The following NEGR1 variants were observed in gnomAD, a reference collection of about 807,000 sequenced individuals.
NEGR1 encodes neuronal growth regulator 1, also known as IgLON family member 4.
Under a neutral mutation model 40.9 loss-of-function variants are expected in NEGR1, and 10 were observed. That is an observed-to-expected ratio of 0.24 (90% confidence interval 0.15 to 0.42). The LOEUF is 0.42. Among genes scored for constraint, NEGR1 ranks in the 10% least tolerant of loss-of-function variants. NEGR1 has a pLI of 1.00. For synonymous variants in NEGR1, 185 were observed against 166.8 expected (o/e 1.11, Z -0.84); for missense variants, 352 against 438.9 (o/e 0.80, Z 1.77).
chr1:71,921,972 T>G (rs1645724748), intron 2 of NEGR1, among the ~76,000 whole-genome samples: 1 of 151,810 alleles, frequency 6.6e-6, no homozygotes, highest in Non-Finnish European at 1.5e-5. Flanking sequence ...TACAGAGAAG[T>G]TTTTACATAC....
At chr1:72,208,234 C>A (rs72941254) in intron 1 of NEGR1, among the ~76,000 whole-genome samples, 1,984 of 151,764 alleles carry the variant, frequency 0.013, 33 homozygotes, top group African/African-American at 0.044. Flanking sequence ...ATGTGGAAAA[C>A]TATGAAACAG....
chr1:71,636,332 C>A (rs1343358246), intron 4 of NEGR1, among the ~76,000 whole-genome samples: 2 of 152,032 alleles, frequency 1.3e-5, no homozygotes, highest in East Asian at 1.9e-4. Context: ...GTATTTCGTA[C>A]CTTCCTCATC....
chr1:71,602,774 T>G (rs1406084848), intron 5 of NEGR1, among the ~76,000 whole-genome samples: 2 of 152,232 alleles, frequency 1.3e-5, no homozygotes, highest in East Asian at 3.9e-4. Flanking sequence ...TCCTACACTC[T>G]AAGTCACAGG....
chr1:71,711,938 A>T (rs576022234), intron 3 of NEGR1, among the ~76,000 whole-genome samples: 1 of 152,232 alleles, frequency 6.6e-6, no homozygotes, highest in Admixed American at 6.5e-5. Context: ...TATATATTGT[A>T]TGATTTAATT....
At chr1:72,219,588 A>C (rs542392914) in intron 1 of NEGR1, among the ~76,000 whole-genome samples, 1 of 152,194 alleles carries the variant, frequency 6.6e-6, no homozygotes, top group African/African-American at 2.4e-5. Flanking sequence ...AATTTTAGAA[A>C]GTTGTCTGTC....
chr1:71,434,954 A>G (rs1229779106), intron 6 of NEGR1, among the ~76,000 whole-genome samples: 6 of 151,996 alleles, frequency 3.9e-5, no homozygotes, highest in South Asian at 2.1e-4. Context: ...AGCCCGGCAT[A>G]GTGGCGGGCG....
intron 1 of NEGR1, among the ~76,000 whole-genome samples, chr1:72,273,552 G>A (rs934181994): frequency 2.0e-5 from 3 of 151,812 alleles, no homozygotes; most frequent in Admixed American, 6.6e-5. Flanking sequence ...TGCTTAAACC[G>A]ACAGTAAGAA....
At chr1:71,486,849 A>G (rs1171460622) in intron 6 of NEGR1, 2 of 151,496 alleles carry the variant, frequency 1.3e-5, no homozygotes, top group Non-Finnish European at 1.5e-5. Flanking sequence ...TAACAAGGCT[A>G]TTTTTCTTAT....
intron 1 of NEGR1, among the ~76,000 whole-genome samples, chr1:71,944,099 T>A (rs773131213): frequency 6.6e-6 from 1 of 152,200 alleles, no homozygotes; most frequent in Non-Finnish European, 1.5e-5. Context: ...ATGGACTTGA[T>A]TGAATGTGAG....
At chr1:71,690,565 A>T (rs1399761240) in intron 4 of NEGR1, among the ~76,000 whole-genome samples, 1 of 119,182 alleles carries the variant, frequency 8.4e-6, no homozygotes, top group African/African-American at 3.3e-5. Flanking sequence ...TAAGTTATAT[A>T]ACACACACAC....
chr1:71,612,216 C>T (rs1007678681), intron 4 of NEGR1, among the ~76,000 whole-genome samples: 6 of 152,120 alleles, frequency 3.9e-5, no homozygotes, highest in African/African-American at 9.7e-5. Context: ...AGCAAGACTC[C>T]GTCTCAAAAC....
At chr1:72,141,336 A>G (rs1296068335) in intron 1 of NEGR1, among the ~76,000 whole-genome samples, 3 of 152,080 alleles carry the variant, frequency 2.0e-5, no homozygotes, top group Non-Finnish European at 2.9e-5. Flanking sequence ...TACAAATGCT[A>G]TATTTTGTCC....
intron 1 of NEGR1, among the ~76,000 whole-genome samples, chr1:71,954,394 T>C (rs1439514305): frequency 6.6e-6 from 1 of 151,888 alleles, no homozygotes; most frequent in East Asian, 1.9e-4. Context: ...TAAGGTATAT[T>C]ATTAAAAAAA....
chr1:71,881,083 A>C (rs550920107), intron 2 of NEGR1, among the ~76,000 whole-genome samples: 3 of 152,076 alleles, frequency 2.0e-5, no homozygotes, highest in African/African-American at 7.2e-5. Context: ...TTTTACCTAC[A>C]CAGGATTCTC....
chr1:71,931,640 C>T (rs1012927206), intron 2 of NEGR1, among the ~76,000 whole-genome samples: 2 of 152,120 alleles, frequency 1.3e-5, no homozygotes, highest in African/African-American at 2.4e-5. Flanking sequence ...ATGACAGCAA[C>T]ATTAGCCCAT....
chr1:72,269,226 G>A (rs1655760408), intron 1 of NEGR1, among the ~76,000 whole-genome samples: 1 of 151,498 alleles, frequency 6.6e-6, no homozygotes, highest in African/African-American at 2.4e-5. Flanking sequence ...ATTGAAATTG[G>A]AGTACAAGGA....
At chr1:72,001,238 T>C (rs749732547) in intron 1 of NEGR1, among the ~76,000 whole-genome samples, 3 of 151,988 alleles carry the variant, frequency 2.0e-5, no homozygotes, top group Non-Finnish European at 2.9e-5. Context: ...AGCAGAGAGC[T>C]TTCTCTCTTT....
At chr1:71,500,100 ATC>A (rs750883739) in intron 6 of NEGR1, among the ~76,000 whole-genome samples, 15 of 152,216 alleles carry the variant, frequency 9.9e-5, no homozygotes, top group Admixed American at 8.5e-4. Flanking sequence ...TTTCTTTATG[ATC>A]TCTCTCCTCT....
intron 6 of NEGR1, among the ~76,000 whole-genome samples, chr1:71,483,622 C>T (rs1646868519): frequency 6.6e-6 from 1 of 151,696 alleles, no homozygotes; most frequent in Non-Finnish European, 1.5e-5. Context: ...AATGCCAACT[C>T]TTATCCACTG....
Sources: gnomAD v4.1 joint callset for allele counts (sites outside exome capture counted in the v4.1 genomes callset) on GRCh38, gnomAD v4.1.1 for gene constraint, MANE v1.5 for transcripts, NCBI Gene and HGNC (gene_info 2026-07-23, HGNC 2026-07-21) for gene names.